GAPVD1: variants seen among roughly 807,000 people sequenced by gnomAD.
GAPVD1 encodes the protein GTPase-activating protein and VPS9 domain-containing protein 1.
GAPVD1 carries 35 observed loss-of-function variants against 155.5 expected under a neutral mutation model. That is an observed-to-expected ratio of 0.23 (90% CI 0.17 to 0.30). The LOEUF (loss-of-function observed/expected upper bound fraction) is 0.30. Among genes scored for constraint, GAPVD1 ranks in the 10% least tolerant of loss-of-function variants. The pLI, the probability that GAPVD1 is intolerant of heterozygous loss-of-function variation, is 1.00. For synonymous variants in GAPVD1, 636 were observed against 619.7 expected (o/e 1.03, Z -0.39); for missense variants, 1,429 against 1,775.7 (o/e 0.80, Z 3.51).
Position 125,268,355 on chromosome 9 carries a change from A to G in GAPVD1, c.-198-581A>G, listed in dbSNP as rs150970110. Among the ~76,000 whole-genome samples the G allele has an allele frequency of 5.3e-5, 8 of 152,216 alleles. No homozygotes were observed. In the East Asian group the frequency reaches 1.2e-3, roughly 22 times the overall value. On this transcript the variant is annotated intron_variant, in intron 1 of 27. Coordinates refer to ENST00000297933, the MANE Select transcript of GAPVD1 (RefSeq NM_001282680.3). Reference sequence around the variant, plus strand: ...AGTTCTTATTACCTTACATGGTAACACTACCTGATCATGGCGTTCTGGAAA... The same window carrying G: ...AGTTCTTATTACCTTACATGGTAACGCTACCTGATCATGGCGTTCTGGAAA...
At chr9:125,324,644 C>G (rs1055632019) in intron 11 of GAPVD1, among the ~76,000 whole-genome samples, 3 of 152,086 alleles carry the variant, frequency 2.0e-5, no homozygotes, top group African/African-American at 7.2e-5. Flanking sequence ...GCCTTGAGGG[C>G]TGGCTGGCAT....
In GAPVD1 at chr9:125,321,548, A is replaced by G; in HGVS notation, c.1718A>G (p.Glu573Gly). The G allele has an allele frequency of 3.1e-6, 5 of 1,613,344 alleles. No homozygotes were observed. Among genetic ancestry groups the G allele is most frequent in the Non-Finnish European group, 4.2e-6 (5 of 1,179,554 alleles). ...TTTTCCCTCTGCAGTGATAATCTGG[A>G]AGGAATATCTGAAGGTGAAGGGTTA... ...LRFSLCSDNL[E>G]GISEGPSNRS... is the part of the protein sequence containing the mutation. Residue 573 changes from glutamate to glycine, a missense_variant, in exon 10 of 28, where the codon GAA becomes GGA. Around this residue, in one of 4 missense-constraint regions of GAPVD1, gnomAD observed 628 missense variants for 733.4 expected, o/e 0.86. Transcript: ENST00000297933.
At chr9:125,317,644 A>G (rs1171525282) in intron 9 of GAPVD1, among the ~76,000 whole-genome samples, 1 of 150,124 alleles carries the variant, frequency 6.7e-6, no homozygotes. Context: ...AAAAAAAAAG[A>G]AAAGAAAGAA....
In GAPVD1 at chr9:125,365,884, C is replaced by T. The variant is rs1250029086; in HGVS notation, c.*3138C>T. On this transcript the variant is annotated 3_prime_UTR_variant, in exon 28 of 28. Transcript: ENST00000297933. ...GAACTCCTGGCCTCAAGTGATCCGC[C>T]TACCTCGGCTTCCCAAAGTGCTGGG... 3 of 152,280 alleles carry T rather than the reference C, an allele frequency of 2.0e-5. No homozygotes were observed. Among genetic ancestry groups the T allele is most frequent in the African/African-American group, 7.2e-5 (3 of 41,462 alleles). The allele number at this position is 152,280 out of a possible 1,614,324, so 9.4% of individuals were successfully genotyped here.
At chr9:125,301,087 T>C (rs1212639154) in intron 4 of GAPVD1, among the ~76,000 whole-genome samples, 1 of 152,116 alleles carries the variant, frequency 6.6e-6, no homozygotes, top group Admixed American at 6.6e-5. Flanking sequence ...TTTTTTTTTT[T>C]CAGACAGGAT....
At chr9:125,264,184 C>A in intron 1 of GAPVD1, 1 of 645,958 alleles carries the variant, frequency 1.5e-6, no homozygotes, top group South Asian at 1.7e-5. Context: ...TGGATGGGAT[C>A]AGGGTAGTCT....
rs1849965344 is a variant in GAPVD1 at position 125,355,625 on chromosome 9, T to G, written c.3758-19T>G. Reference sequence around the variant, plus strand: ...TAGTTTTTATTAAACTATTTAAAAATTATTATTTTGCTTTGGAGACTTTCA... The same window carrying G: ...TAGTTTTTATTAAACTATTTAAAAAGTATTATTTTGCTTTGGAGACTTTCA... On this transcript the variant is annotated intron_variant, in intron 24 of 27. Coordinates refer to ENST00000297933, the MANE Select transcript of GAPVD1 (RefSeq NM_001282680.3). 1.4e-6 allele frequency: 2 copies of G among 1,450,472 alleles called. No homozygotes were observed. The highest frequency in any genetic ancestry group is 2.8e-5 in the African/African-American group (2 of 70,554). The allele number at this position is 1,450,472 out of a possible 1,614,324, so 89.9% of individuals were successfully genotyped here.
At chr9:125,340,284 G>A (rs1021269897) in intron 17 of GAPVD1, among the ~76,000 whole-genome samples, 22 of 152,178 alleles carry the variant, frequency 1.4e-4, no homozygotes, top group African/African-American at 5.3e-4. Flanking sequence ...GCCTTCCAAA[G>A]TGCTGGGATT....
chr9:125,320,688 C>T (rs1378843801), intron 9 of GAPVD1, among the ~76,000 whole-genome samples: 6 of 151,986 alleles, frequency 3.9e-5, no homozygotes, highest in Non-Finnish European at 5.9e-5. Flanking sequence ...TGCAGTGGCG[C>T]GATCTCGGCT....
chr9:125,342,974 A>T (rs1848025355), intron 19 of GAPVD1, among the ~76,000 whole-genome samples: 1 of 152,152 alleles, frequency 6.6e-6, no homozygotes, highest in South Asian at 2.1e-4. Context: ...GCACATTATG[A>T]ATGAGCACCC....
intron 12 of GAPVD1, 64 bp downstream of exon 12, chr9:125,326,653 T>C (rs1414074953): frequency 3.4e-6 from 4 of 1,161,426 alleles, no homozygotes; most frequent in South Asian, 2.6e-5. Flanking sequence ...CAACCTTTCA[T>C]GGGAGGGAGC....
intron 20 of GAPVD1, among the ~76,000 whole-genome samples, chr9:125,348,829 A>T (rs1296415528): frequency 1.3e-5 from 2 of 152,214 alleles, no homozygotes; most frequent in Non-Finnish European, 2.9e-5. Flanking sequence ...CTTGATTAAG[A>T]CATAAAACCA....
intron 2 of GAPVD1, among the ~76,000 whole-genome samples, chr9:125,286,161 T>C (rs962302558): frequency 1.3e-5 from 2 of 152,112 alleles, no homozygotes; most frequent in Non-Finnish European, 2.9e-5. Context: ...TCACCCAGGC[T>C]GGAGTGCAGT....
At chr9:125,322,133 C>T (rs149489320) in intron 10 of GAPVD1, among the ~76,000 whole-genome samples, 143 of 152,080 alleles carry the variant, frequency 9.4e-4, no homozygotes, top group Non-Finnish European at 1.7e-3. Flanking sequence ...GTCGCAATCT[C>T]GGCTCACTGC....
intron 2 of GAPVD1, among the ~76,000 whole-genome samples, chr9:125,294,255 G>A (rs994236803): frequency 6.6e-6 from 1 of 151,672 alleles, no homozygotes; most frequent in Non-Finnish European, 1.5e-5. Context: ...TGGTCAGGCT[G>A]GTCTCGAACT....
chr9:125,307,707 G>T lies in GAPVD1; in HGVS notation c.1268G>T (p.Ser423Ile), dbSNP rs751741292. ...TTTTGCCAGGTGAATTTTATGAAGA[G>T]TGTGATGTCTGGAGATCAACTGAGA... is the stretch of plus-strand genomic sequence containing the variant. ...QLITLVNFMKSVMSGDQLRED... is the reference protein window; with the variant it reads ...QLITLVNFMKIVMSGDQLRED... Residue 423 changes from serine to isoleucine, a missense_variant, in exon 8 of 28, where the codon AGT becomes ATT. Coordinates refer to ENST00000297933, the MANE Select transcript of GAPVD1 (RefSeq NM_001282680.3). 1.2e-6 allele frequency: 2 copies of T among 1,613,758 alleles called. No individual in the cohort carries two copies. The highest frequency in any genetic ancestry group is 2.2e-5 in the East Asian group (1 of 44,880).
intron 2 of GAPVD1, among the ~76,000 whole-genome samples, chr9:125,286,316 T>C (rs889225956): frequency 1.5e-4 from 23 of 152,214 alleles, no homozygotes; most frequent in African/African-American, 5.3e-4. Flanking sequence ...GTTTTTTATT[T>C]ATTTTTTGAT....
chr9:125,337,696 T>C, intron 17 of GAPVD1, 105 bp downstream of exon 17: 1 of 1,084,096 alleles, frequency 9.2e-7, no homozygotes, highest in Non-Finnish European at 1.3e-6. Context: ...AGATAGAGAG[T>C]AGTCATGATT....
chr9:125,333,801 A>T (rs1179986006), intron 15 of GAPVD1, among the ~76,000 whole-genome samples: 3 of 151,696 alleles, frequency 2.0e-5, no homozygotes, highest in African/African-American at 7.3e-5. Flanking sequence ...TACTTTTTCT[A>T]TTTTTACAAT....
Sources: allele counts gnomAD v4.1 joint callset (sites outside exome capture counted in the v4.1 genomes callset), GRCh38; gene constraint gnomAD v4.1.1; regional missense constraint gnomAD v4.1.1; transcripts MANE v1.5; gene names NCBI Gene and HGNC (gene_info 2026-07-23, HGNC 2026-07-21).